DCDC1: variants seen among roughly 807,000 people sequenced by gnomAD.
DCDC1 encodes the protein doublecortin domain containing 1.
DCDC1 carries 200 observed loss-of-function variants against 178.3 expected under a neutral mutation model. The observed-to-expected ratio is 1.12, with a 90% CI of 1.00 to 1.26. The LOEUF is 1.26. DCDC1 is among the 50% of genes most tolerant of loss of function. DCDC1 has a pLI of 0.00. For synonymous variants in DCDC1, 690 were observed against 604.8 expected, an observed-to-expected ratio of 1.14 and a Z score of -2.07; for missense variants, 1,983 against 1,749.2, an observed-to-expected ratio of 1.13 and a Z score of -2.38.
intron 36 of DCDC1, among the ~76,000 whole-genome samples, chr11:30,884,093 T>TGATCAGGG (rs1942953929): frequency 7.3e-6 from 1 of 136,208 alleles, no homozygotes; most frequent in African/African-American, 2.8e-5. Flanking sequence ...TGCAGTGGCA[T>TGATCAGGG]GATCAGGGTT....
At chr11:30,996,884 G>A (rs1453313713) in intron 20 of DCDC1, among the ~76,000 whole-genome samples, 3 of 152,136 alleles carry the variant, frequency 2.0e-5, no homozygotes, top group Non-Finnish European at 2.9e-5. Context: ...GCATAAAAAC[G>A]TACATGAACA....
Position 31,273,842 on chromosome 11 carries a change from T to C in DCDC1, c.961-8242A>G, listed in dbSNP as rs948524245. ...CCACATGGCTGGGGAGGCTTCACAC[T>C]CATGGTAGAAGGCAAATCGGAGCAA... On this transcript the variant is annotated intron_variant, in intron 7 of 38. Coordinates refer to ENST00000684477, the MANE Select transcript of DCDC1 (RefSeq NM_001387274.1). Among the ~76,000 whole-genome samples the C allele has an allele frequency of 3.3e-5, 5 of 152,170 alleles. No individual in the cohort carries two copies. In the East Asian group the frequency reaches 5.8e-4, roughly 18 times the overall value.
intron 20 of DCDC1, among the ~76,000 whole-genome samples, chr11:31,052,117 CA>C: frequency 6.6e-6 from 1 of 152,228 alleles, no homozygotes; most frequent in African/African-American, 2.4e-5. Flanking sequence ...TCATCAACCA[CA>C]TAAGAACTCA....
chr11:31,287,934 TTTCA>T (rs1946955526), intron 7 of DCDC1, among the ~76,000 whole-genome samples: 2 of 151,392 alleles, frequency 1.3e-5, no homozygotes, highest in African/African-American at 4.8e-5. Context: ...GTTACATTCA[TTTCA>T]TTATCTTTTT....
chr11:31,326,257 A>T (rs1949638179), intron 3 of DCDC1, among the ~76,000 whole-genome samples: 2 of 152,308 alleles, frequency 1.3e-5, no homozygotes, highest in South Asian at 4.1e-4. Flanking sequence ...AGAAAGACTG[A>T]CATATAATGA....
At chr11:30,922,418 A>T (rs1590373783) in intron 24 of DCDC1, 85 bp downstream of exon 24, 1 of 1,396,602 alleles carries the variant, frequency 7.2e-7, no homozygotes, top group African/African-American at 1.5e-5. Flanking sequence ...TACTTGTTTA[A>T]ACAAACTTTG....
chr11:30,888,144 A>AAGAAAGAAAGAAAG (rs1943447496), intron 36 of DCDC1, among the ~76,000 whole-genome samples: 1 of 142,016 alleles, frequency 7.0e-6, no homozygotes, highest in Non-Finnish European at 1.5e-5. Context: ...GAAAGAAAGA[A>AAGAAAGAAAGAAAG]AGAAAGAAAG....
At chr11:31,014,659 T>C (rs1455028671) in intron 20 of DCDC1, among the ~76,000 whole-genome samples, 1 of 152,198 alleles carries the variant, frequency 6.6e-6, no homozygotes, top group African/African-American at 2.4e-5. Flanking sequence ...TTCTAATTGA[T>C]ATGATGCCAG....
chr11:31,294,649 GA>G (rs1947488797), intron 6 of DCDC1, among the ~76,000 whole-genome samples: 1 of 3,440 alleles, frequency 2.9e-4, no homozygotes, highest in African/African-American at 1.2e-3. Flanking sequence ...GGAGGGGAGG[GA>G]GGGGGGGAAG....
At chr11:30,983,699 TGCTATTTTCAAGGAAA>T (rs1186857891) in intron 20 of DCDC1, among the ~76,000 whole-genome samples, 1 of 152,206 alleles carries the variant, frequency 6.6e-6, no homozygotes. Flanking sequence ...AAGTTCAATT[TGCTATTTTCAAGGAAA>T]GCTATATTTT....
rs1942628008 is a variant in DCDC1, at chr11:30,881,180, T to A, written c.5211A>T (p.Gly1737=). The A allele has an allele frequency of 1.2e-6, 2 of 1,613,328 alleles. No homozygotes were observed. The change falls in exon 37 of 39, where the codon GGA becomes GGT. Residue 1737 remains glycine (G), a synonymous_variant. Coordinates refer to ENST00000684477, the MANE Select transcript of DCDC1 (RefSeq NM_001387274.1). ...ERDMVICVSM[G]HGFKTPKELK... Reference sequence around the variant, plus strand: ...TACCTTTTGGGGTTTTGAAACCATGTCCCATAGACACACAGATGACCATAT... The same window carrying A: ...TACCTTTTGGGGTTTTGAAACCATGACCCATAGACACACAGATGACCATAT...
chr11:31,157,371 AAAT>A (rs1965827585), intron 9 of DCDC1, among the ~76,000 whole-genome samples: 1 of 103,524 alleles, frequency 9.7e-6, no homozygotes, highest in South Asian at 4.2e-4. Flanking sequence ...AAAAAAAAAA[AAAT>A]ATATATATAT....
intron 11 of DCDC1, among the ~76,000 whole-genome samples, chr11:31,125,280 A>C (rs1287320224): frequency 6.6e-6 from 1 of 152,142 alleles, no homozygotes; most frequent in African/African-American, 2.4e-5. Context: ...GAAAAAACAG[A>C]AGCTGGCAAG....
At chr11:31,041,488 G>T (rs1414006819) in intron 20 of DCDC1, among the ~76,000 whole-genome samples, 1 of 152,136 alleles carries the variant, frequency 6.6e-6, no homozygotes, top group Non-Finnish European at 1.5e-5. Flanking sequence ...GCCCAATAAG[G>T]CTGGAATTAT....
chr11:31,160,734 G>T (rs887932840), intron 9 of DCDC1, among the ~76,000 whole-genome samples: 1 of 151,988 alleles, frequency 6.6e-6, no homozygotes, highest in African/African-American at 2.4e-5. Flanking sequence ...GTTTAATGAA[G>T]GGCATTTCTT....
At chr11:31,125,875 C>A (rs1364740851) in intron 11 of DCDC1, among the ~76,000 whole-genome samples, 1 of 151,880 alleles carries the variant, frequency 6.6e-6, no homozygotes, top group Non-Finnish European at 1.5e-5. Flanking sequence ...ATCACTATGG[C>A]ACACGTTTAC....
intron 21 of DCDC1, among the ~76,000 whole-genome samples, chr11:30,937,012 T>C (rs955712096): frequency 2.6e-5 from 4 of 152,116 alleles, no homozygotes; most frequent in African/African-American, 9.7e-5. Flanking sequence ...CACAAGGGGA[T>C]TAATTTTTCT....
chr11:30,922,324 T>G (rs1391508688), intron 24 of DCDC1, among the ~76,000 whole-genome samples, 179 bp downstream of exon 24: 5 of 152,202 alleles, frequency 3.3e-5, no homozygotes, highest in African/African-American at 1.2e-4. Context: ...ACATTCAAAC[T>G]GTAGTGTGAA....
At chr11:31,265,456 A>T (rs764127067) in intron 8 of DCDC1, 51 bp downstream of exon 8, 4 of 1,057,204 alleles carry the variant, frequency 3.8e-6, no homozygotes, top group South Asian at 2.1e-5. Context: ...AACAAAATAT[A>T]AATGTCTTTC....
Sources: allele counts gnomAD v4.1 joint callset (sites outside exome capture counted in the v4.1 genomes callset), GRCh38; gene constraint gnomAD v4.1.1; transcripts MANE v1.5; gene names NCBI Gene and HGNC (gene_info 2026-07-23, HGNC 2026-07-21).